GALNT17: variants seen among roughly 807,000 people sequenced by gnomAD.
GALNT17 encodes polypeptide N-acetylgalactosaminyltransferase 17.
A neutral mutation model predicts 63.7 loss-of-function variants in GALNT17; 29 were observed. The ratio of observed to expected loss-of-function variants is 0.46; its 90% CI spans 0.34 to 0.62. The LOEUF is 0.62. GALNT17 is among the 20% of genes least tolerant of loss of function. The pLI is 0.01. For missense variants in GALNT17, 603 were observed against 799.6 expected (o/e 0.75, Z 2.97); for synonymous variants, 305 against 318.3 (o/e 0.96, Z 0.45).
chr7:71,323,894 G>A (rs1791659125), intron 1 of GALNT17, among the ~76,000 whole-genome samples: 1 of 152,216 alleles, frequency 6.6e-6, no homozygotes. Context: ...CAAGTGAGCA[G>A]TCAAGGGCAC....
chr7:71,445,359 G>T (rs1161167597), intron 5 of GALNT17, among the ~76,000 whole-genome samples: 2 of 149,632 alleles, frequency 1.3e-5, no homozygotes, highest in East Asian at 4.0e-4. Context: ...TTGTATTTTT[G>T]TTTGTTTTTT....
chr7:71,345,136 T>A (rs1792067911), intron 2 of GALNT17, among the ~76,000 whole-genome samples: 1 of 140,598 alleles, frequency 7.1e-6, no homozygotes, highest in South Asian at 2.3e-4. Flanking sequence ...TTTTTTTTGT[T>A]GTTGTTTTTT....
chr7:71,566,921 C>G (rs1246060195), intron 5 of GALNT17, among the ~76,000 whole-genome samples: 1 of 152,092 alleles, frequency 6.6e-6, no homozygotes. Flanking sequence ...ACATCTGCCT[C>G]CTCCTTCTGC....
At chr7:71,357,895 C>G (rs1480482849) in intron 2 of GALNT17, among the ~76,000 whole-genome samples, 2 of 152,146 alleles carry the variant, frequency 1.3e-5, no homozygotes, top group Non-Finnish European at 2.9e-5. Flanking sequence ...CTGTAAAACG[C>G]ATCAATCAGC....
intron 1 of GALNT17, among the ~76,000 whole-genome samples, chr7:71,221,908 ATTTTTTTTTTT>A: frequency 8.7e-6 from 1 of 114,700 alleles, no homozygotes; most frequent in East Asian, 2.8e-4. Flanking sequence ...CCTTATTTAG[ATTTTTTTTTTT>A]TTTTTTTTTT....
At chr7:71,625,386 T>A (rs943046777) in intron 6 of GALNT17, among the ~76,000 whole-genome samples, 1 of 152,184 alleles carries the variant, frequency 6.6e-6, no homozygotes, top group African/African-American at 2.4e-5. Flanking sequence ...CCTCAGGTGA[T>A]CCACCCGCCT....
chr7:71,317,926 T>G (rs950499503), intron 1 of GALNT17, among the ~76,000 whole-genome samples: 2 of 152,178 alleles, frequency 1.3e-5, no homozygotes, highest in African/African-American at 4.8e-5. Context: ...TCATAATTTT[T>G]GGGGTGGGAG....
chr7:71,457,397 A>C (rs1022884757), intron 5 of GALNT17, among the ~76,000 whole-genome samples: 5 of 152,186 alleles, frequency 3.3e-5, no homozygotes, highest in Admixed American at 3.3e-4. Context: ...CCTGATCCAG[A>C]CCCCAAGAGA....
chr7:71,584,751 C>T (rs534579361), intron 6 of GALNT17, among the ~76,000 whole-genome samples: 441 of 151,304 alleles, frequency 2.9e-3, no homozygotes, highest in Non-Finnish European at 5.4e-3. Flanking sequence ...CATTTCTTCT[C>T]ACCTTTATTT....
At chr7:71,217,153 T>TG (rs1331148896) in intron 1 of GALNT17, among the ~76,000 whole-genome samples, 2 of 149,642 alleles carry the variant, frequency 1.3e-5, no homozygotes, top group Non-Finnish European at 3.0e-5. Flanking sequence ...TTGTTTTTTT[T>TG]TTTTTTTTTT....
chr7:71,689,795 AG>A (rs1308691068), intron 9 of GALNT17, among the ~76,000 whole-genome samples: 2 of 152,156 alleles, frequency 1.3e-5, no homozygotes, highest in Non-Finnish European at 2.9e-5. Flanking sequence ...CCACATAGAG[AG>A]GAGAAGTCCA....
intron 2 of GALNT17, among the ~76,000 whole-genome samples, chr7:71,376,011 A>C (rs950229601): frequency 1.4e-4 from 22 of 152,084 alleles, no homozygotes; most frequent in Admixed American, 1.4e-3. Context: ...CCTGGGAGGC[A>C]GAGGTCACAG....
chr7:71,670,251 C>G lies in GALNT17; in HGVS notation c.1404+142C>G, dbSNP rs140779408. 302 of 1,156,216 alleles carry G rather than the reference C, an allele frequency of 2.6e-4. No individual in the cohort carries two copies. In the African/African-American group the frequency reaches 4.4e-3, roughly 17 times the overall value. The allele number at this position is 1,156,216 out of a possible 1,614,324, so 71.6% of individuals were successfully genotyped here. On this transcript the variant is annotated intron_variant, in intron 8 of 10. Coordinates refer to ENST00000333538, the MANE Select transcript of GALNT17 (RefSeq NM_022479.3). The stretch of plus-strand genomic sequence containing the variant: ...GCTGGCCCTGATAGCAAGATTCTCT[C>G]TAGCTGGGGGGTTGGGGTAGGGAAC...
intron 9 of GALNT17, among the ~76,000 whole-genome samples, chr7:71,702,970 A>G (rs952041825): frequency 6.6e-6 from 1 of 152,248 alleles, no homozygotes; most frequent in African/African-American, 2.4e-5. Flanking sequence ...AATGCTTATT[A>G]GACATCCAAG....
chr7:71,285,642 G>A (rs1790859778), intron 1 of GALNT17, among the ~76,000 whole-genome samples: 1 of 152,162 alleles, frequency 6.6e-6, no homozygotes, highest in African/African-American at 2.4e-5. Flanking sequence ...AATGGGACTG[G>A]TGCTTTTATA....
chr7:71,454,898 G>A (rs1464098438), intron 5 of GALNT17, among the ~76,000 whole-genome samples: 1 of 152,132 alleles, frequency 6.6e-6, no homozygotes, highest in Non-Finnish European at 1.5e-5. Context: ...AGGCATGATG[G>A]CACACACCTA....
chr7:71,403,687 T>C (rs544042570), intron 3 of GALNT17, among the ~76,000 whole-genome samples: 1 of 152,284 alleles, frequency 6.6e-6, no homozygotes, highest in South Asian at 2.1e-4. Context: ...CACCCCAGAA[T>C]GCTAGAGAAG....
chr7:71,165,801 C>T (rs1364749748), intron 1 of GALNT17, among the ~76,000 whole-genome samples: 2 of 152,082 alleles, frequency 1.3e-5, no homozygotes, highest in African/African-American at 4.8e-5. Flanking sequence ...CAGAATTGAA[C>T]CGAGACTTTA....
At chr7:71,416,791 C>T (rs1786541855) in intron 4 of GALNT17, among the ~76,000 whole-genome samples, 1 of 152,106 alleles carries the variant, frequency 6.6e-6, no homozygotes, top group African/African-American at 2.4e-5. Flanking sequence ...ATTCTAACTA[C>T]TCAGGTAAAG....
Sources: gnomAD v4.1 joint callset for allele counts (sites outside exome capture counted in the v4.1 genomes callset) on GRCh38, gnomAD v4.1.1 for gene constraint, MANE v1.5 for transcripts, NCBI Gene and HGNC (gene_info 2026-07-23, HGNC 2026-07-21) for gene names.